SGCB: variants seen among roughly 807,000 people sequenced by gnomAD.
SGCB encodes the protein sarcoglycan beta.
A neutral mutation model predicts 27.3 loss-of-function variants in SGCB; 25 were observed. That is an observed-to-expected ratio of 0.92 (90% CI 0.67 to 1.28). The LOEUF (loss-of-function observed/expected upper bound fraction) is 1.28, where lower values mean the gene tolerates loss of function less well. Among genes scored for constraint, SGCB ranks in the 50% most tolerant of loss-of-function variants. The pLI is 0.00. For missense variants in SGCB, 436 were observed against 402.1 expected (o/e 1.08, Z -0.72); for synonymous variants, 147 against 133.5 (o/e 1.10, Z -0.70).
At position 52,028,912 on chromosome 4, in the gene SGCB, G is replaced by C; in HGVS notation, c.439C>G (p.Gln147Glu). 6.2e-7 allele frequency: 1 copy of C among 1,612,614 alleles called. No individual in the cohort carries two copies. The highest frequency in any genetic ancestry group is 1.7e-5 in the Admixed American group (1 of 59,998). Residue 147 changes from glutamine (Q) to glutamate (E), a missense_variant, in exon 4 of 6, where the codon CAG becomes GAG. By Grantham distance (29) the Gln-to-Glu change is conservative. Transcript: ENST00000381431. ...ITGNNQPIVFQQGTTKLSVEN... is the reference protein window; with the variant it reads ...ITGNNQPIVFEQGTTKLSVEN... ...ACACTGAGCTTTGTTGTCCCTTGCT[G>C]AAAAACAATCTTCAAAAAAAACAGT...
chr4:52,032,080 C>T (rs566828795), intron 2 of SGCB: 3 of 400,358 alleles, frequency 7.5e-6, no homozygotes, highest in South Asian at 3.7e-5. Context: ...AGATAGAATC[C>T]TCTCTGGTCC....
chr4:52,033,530 A>G lies in SGCB; in HGVS notation c.144T>C (p.Asp48=). The G allele has an allele frequency of 6.2e-7, 1 of 1,613,792 alleles. No homozygotes were observed. Among genetic ancestry groups the G allele is most frequent in the Non-Finnish European group, 8.5e-7 (1 of 1,179,706 alleles). The change falls in exon 2 of 6, where the codon GAT becomes GAC. Residue 48 remains aspartate, a synonymous_variant. Coordinates refer to ENST00000381431, the MANE Select transcript of SGCB (RefSeq NM_000232.5). Reference sequence around the variant, plus strand: ...ACCCTGTTTTGTGGAGACGATCTTCATCAATCGGAATGTATCCAGCTTTAA... The same window carrying G: ...ACCCTGTTTTGTGGAGACGATCTTCGTCAATCGGAATGTATCCAGCTTTAA... ...SNFKAGYIPI[D]EDRLHKTGLR... is the part of the protein sequence containing the mutation.
rs1453677006 is a variant in SGCB, at chr4:52,020,937, A to C, written c.*3020T>G. The C allele has an allele frequency of 1.3e-5, 2 of 152,472 alleles. No individual in the cohort carries two copies. Among genetic ancestry groups the C allele is most frequent in the African/African-American group, 4.8e-5 (2 of 41,464 alleles). 9.4% of individuals were successfully genotyped at this position (152,472 alleles called of 1,614,324 possible). On this transcript the variant is annotated 3_prime_UTR_variant, in exon 6 of 6. Coordinates refer to ENST00000381431, the MANE Select transcript of SGCB (RefSeq NM_000232.5). Reference sequence around the variant, plus strand: ...CATGACATTCTCATTCCCTTAAAAAAACACTCATTCAAATCTAGGTAGAAC... The same window carrying C: ...CATGACATTCTCATTCCCTTAAAAACACACTCATTCAAATCTAGGTAGAAC...
intron 5 of SGCB, 133 bp from the exon 6 acceptor site, chr4:52,024,293 C>A: frequency 1.5e-6 from 1 of 686,186 alleles, no homozygotes; most frequent in South Asian, 1.7e-5. Context: ...AACAAAACAA[C>A]AACAGCAACA....
intron 2 of SGCB, among the ~76,000 whole-genome samples, chr4:52,033,150 A>G (rs1373071746): frequency 6.6e-6 from 1 of 152,226 alleles, no homozygotes; most frequent in African/African-American, 2.4e-5. Flanking sequence ...ATCCTTATTA[A>G]AAGTCTCATG....
chr4:52,035,506 G>C (rs1281046083), intron 1 of SGCB, among the ~76,000 whole-genome samples: 1 of 152,154 alleles, frequency 6.6e-6, no homozygotes, highest in African/African-American at 2.4e-5. Flanking sequence ...GCCAGGTTGT[G>C]AAGGTTCTTG....
intron 5 of SGCB, among the ~76,000 whole-genome samples, chr4:52,027,589 G>GTT (rs1239519932): frequency 7.6e-6 from 1 of 131,198 alleles, no homozygotes; most frequent in Non-Finnish European, 1.6e-5. Flanking sequence ...CTTTTAGAAG[G>GTT]TTTTTTTTTT....
chr4:52,029,703 A>C lies in SGCB; in HGVS notation c.404T>G (p.Leu135Trp). The change falls in exon 3 of 6, where the codon TTG (leucine) becomes TGG (tryptophan). Residue 135 changes from leucine to tryptophan, a missense_variant. Leu to Trp is a moderately conservative substitution (Grantham distance 61). Transcript: ENST00000381431. ...STVGGRRNENLVITGNNQPIV... is the reference protein window; with the variant it reads ...STVGGRRNENWVITGNNQPIV... Reference sequence around the variant, plus strand: ...AGGCTGGTTGTTGCCAGTGATGACCAAATTTTCATTTCGCCTTCCTCCTAC... The same window carrying C: ...AGGCTGGTTGTTGCCAGTGATGACCCAATTTTCATTTCGCCTTCCTCCTAC... The C allele has an allele frequency of 2.5e-6, 4 of 1,613,770 alleles. No homozygotes were observed. In the South Asian group the frequency reaches 4.4e-5, roughly 18 times the overall value.
chr4:52,024,624 C>T (rs1172445517), intron 5 of SGCB, among the ~76,000 whole-genome samples: 3 of 151,844 alleles, frequency 2.0e-5, no homozygotes, highest in South Asian at 2.1e-4. Flanking sequence ...TTCAGGAGAT[C>T]GAGACCATCC....
Position 52,029,877 on chromosome 4 carries a change from C to T in SGCB, c.244-14G>A, listed in dbSNP as rs754023372. 3 of 1,602,488 alleles carry T rather than the reference C, an allele frequency of 1.9e-6. No homozygotes were observed. Among genetic ancestry groups the T allele is most frequent in the Admixed American group, 1.7e-5 (1 of 60,010 alleles). On this transcript the variant is annotated splice_polypyrimidine_tract_variant and intron_variant, in intron 2 of 5. Coordinates refer to ENST00000381431, the MANE Select transcript of SGCB (RefSeq NM_000232.5). ...AACAAGTGTTATCTGAAAAAGAACA[C>T]AAGTCCACTGTTGGTAGGCCGCATA...
At chr4:52,037,963 A>G (rs543401877) in intron 1 of SGCB, among the ~76,000 whole-genome samples, 1 of 152,052 alleles carries the variant, frequency 6.6e-6, no homozygotes, top group Non-Finnish European at 1.5e-5. Flanking sequence ...GGCTCTCCGG[A>G]AGGAGACCCC....
At chr4:52,035,464 C>T (rs141216027) in intron 1 of SGCB, among the ~76,000 whole-genome samples, 2 of 152,202 alleles carry the variant, frequency 1.3e-5, no homozygotes, top group East Asian at 3.9e-4. Flanking sequence ...TCAGATATGG[C>T]AAGGCAGGGA....
rs544902849 is a variant in SGCB at position 52,031,219 on chromosome 4, A to C, written c.244-1356T>G. ...TTATGTATTTGATCATTTCCCCCCC[A>C]GTGTTTTCTGTGCTCTTTCTGAAAC... On this transcript the variant is annotated intron_variant, in intron 2 of 5. Coordinates refer to ENST00000381431, the MANE Select transcript of SGCB (RefSeq NM_000232.5). Among the ~76,000 whole-genome samples the C allele has an allele frequency of 2.0e-4, 30 of 151,970 alleles. No homozygotes were observed. The South Asian group carries it at 5.8e-3, about 29-fold the overall frequency.
rs201325801 is a variant in SGCB, at chr4:52,028,151, A to G, written c.622-52T>C. 167 of 1,412,186 alleles carry G rather than the reference A, an allele frequency of 1.2e-4. 1 individual carries two copies. The highest frequency in any genetic ancestry group is 1.1e-3 in the Middle Eastern group (6 of 5,688). 87.5% of individuals were successfully genotyped at this position (1,412,186 alleles called of 1,614,324 possible). A position where few individuals can be genotyped will look rare whatever the true frequency, so the allele number is the denominator to read the frequency against. ...AAAGAGTTTCTAAATTAATGTGAGA[A>G]TTGTTATCAGAGATAGAGAAATAGA... On this transcript the variant is annotated intron_variant, in intron 4 of 5. Coordinates refer to ENST00000381431, the MANE Select transcript of SGCB (RefSeq NM_000232.5).
chr4:52,021,263 G>C lies in SGCB; in HGVS notation c.*2694C>G, dbSNP rs962423873. 2 of 152,216 alleles carry C rather than the reference G, an allele frequency of 1.3e-5. No homozygotes were observed. Among genetic ancestry groups the C allele is most frequent in the African/African-American group, 4.8e-5 (2 of 41,406 alleles). 9.4% of individuals were successfully genotyped at this position (152,216 alleles called of 1,614,324 possible). Reference sequence around the variant, plus strand: ...CTACTGCTTGTCATATCTGTGCTCAGTGCAGGGATGAGCATACAGCAGGAA... The same window carrying C: ...CTACTGCTTGTCATATCTGTGCTCACTGCAGGGATGAGCATACAGCAGGAA... On this transcript the variant is annotated 3_prime_UTR_variant, in exon 6 of 6. Coordinates refer to ENST00000381431, the MANE Select transcript of SGCB (RefSeq NM_000232.5).
At chr4:52,033,802 A>G (rs554439907) in intron 1 of SGCB, among the ~76,000 whole-genome samples, 162 bp from the exon 2 acceptor site, 10 of 152,318 alleles carry the variant, frequency 6.6e-5, no homozygotes, top group South Asian at 2.1e-4. Context: ...AAATAAGGGC[A>G]TAACTGTGCT....
Position 52,022,428 on chromosome 4 carries a change from T to C in SGCB, c.*1529A>G, listed in dbSNP as rs1736976819. The C allele has an allele frequency of 6.6e-6, 1 of 152,218 alleles. No homozygotes were observed. The highest frequency in any genetic ancestry group is 2.4e-5 in the African/African-American group (1 of 41,462). 9.4% of individuals were successfully genotyped at this position (152,218 alleles called of 1,614,324 possible). A position where few individuals can be genotyped will look rare whatever the true frequency, so the allele number is the denominator to read the frequency against. Reference sequence around the variant, plus strand: ...TACTGCCTATTTTACAGCAAACTCCTTTGGGGGCCCTGTCCCTGATTCTGT... The same window carrying C: ...TACTGCCTATTTTACAGCAAACTCCCTTGGGGGCCCTGTCCCTGATTCTGT... On this transcript the variant is annotated 3_prime_UTR_variant, in exon 6 of 6. Transcript: ENST00000381431.
At chr4:52,032,362 C>T (rs1737271023) in intron 2 of SGCB, among the ~76,000 whole-genome samples, 1 of 152,184 alleles carries the variant, frequency 6.6e-6, no homozygotes, top group Non-Finnish European at 1.5e-5. Context: ...TGCCATTGTT[C>T]CTCCTACTTT....
intron 3 of SGCB, among the ~76,000 whole-genome samples, chr4:52,029,214 C>T (rs552067709): frequency 4.6e-5 from 7 of 152,308 alleles, no homozygotes; most frequent in African/African-American, 1.7e-4. Context: ...AGAATACCTC[C>T]TTGAGGTTTT....
Sources: allele counts gnomAD v4.1 joint callset (sites outside exome capture counted in the v4.1 genomes callset), GRCh38; gene constraint gnomAD v4.1.1; transcripts MANE v1.5; gene names NCBI Gene and HGNC (gene_info 2026-07-23, HGNC 2026-07-21).